UQCC1: variants seen among roughly 807,000 people sequenced by gnomAD.
UQCC1 encodes the protein bFGF-repressed Zic-binding protein.
A neutral mutation model predicts 48.0 loss-of-function variants in UQCC1; 38 were observed. That is an observed-to-expected ratio of 0.79 (90% CI 0.61 to 1.04). The LOEUF is 1.04. Among genes scored for constraint, UQCC1 ranks in the 50% least tolerant of loss-of-function variants. The probability of loss-of-function intolerance (pLI) is 0.00; values close to 1 mark genes in which losing one functional copy is unlikely to be tolerated. For missense variants in UQCC1, 368 were observed against 381.8 expected (o/e 0.96, Z 0.30); for synonymous variants, 111 against 129.2 (o/e 0.86, Z 0.95).
chr20:35,386,323 T>G, intron 2 of UQCC1: 1 of 456,408 alleles, frequency 2.2e-6, no homozygotes, highest in Non-Finnish European at 4.4e-6. Flanking sequence ...GGGCTGACTC[T>G]TCAATTCTGG....
chr20:35,405,098 G>A (rs2062232032), intron 1 of UQCC1, among the ~76,000 whole-genome samples: 1 of 152,172 alleles, frequency 6.6e-6, no homozygotes, highest in South Asian at 2.1e-4. Flanking sequence ...GAAAGTTAAG[G>A]CAGAGTTATC....
At chr20:35,304,485 C>G (rs1167032167) in intron 9 of UQCC1, 1 of 192,856 alleles carries the variant, frequency 5.2e-6, no homozygotes, top group Non-Finnish European at 1.1e-5. Context: ...TCTGTCCCTT[C>G]CCAGTGCTGC....
At chr20:35,331,605 G>A (rs1015882679) in intron 7 of UQCC1, among the ~76,000 whole-genome samples, 4 of 152,106 alleles carry the variant, frequency 2.6e-5, no homozygotes, top group African/African-American at 9.7e-5. Context: ...TCCAAAATAA[G>A]GGGTTACTAT....
chr20:35,340,640 A>G (rs1267693162), intron 7 of UQCC1, among the ~76,000 whole-genome samples: 1 of 152,170 alleles, frequency 6.6e-6, no homozygotes, highest in African/African-American at 2.4e-5. Context: ...ATGTGCCACC[A>G]TAACCGGCTA....
At chr20:35,403,397 C>T (rs1194362346) in intron 1 of UQCC1, among the ~76,000 whole-genome samples, 1 of 152,116 alleles carries the variant, frequency 6.6e-6, no homozygotes, top group African/African-American at 2.4e-5. Flanking sequence ...GCAGATGACA[C>T]TCCAGTAGCA....
intron 6 of UQCC1, among the ~76,000 whole-genome samples, chr20:35,350,899 G>A (rs1007944341): frequency 7.2e-5 from 11 of 151,832 alleles, no homozygotes; most frequent in East Asian, 1.9e-4. Flanking sequence ...AAAATTAACC[G>A]GGCGTGGTGG....
intron 7 of UQCC1, among the ~76,000 whole-genome samples, chr20:35,340,955 G>A (rs2061370129): frequency 6.6e-6 from 1 of 152,116 alleles, no homozygotes; most frequent in African/African-American, 2.4e-5. Flanking sequence ...GCCGGGGGTG[G>A]TGGTGGCTCA....
chr20:35,352,840 G>T (rs1054763193), intron 6 of UQCC1, among the ~76,000 whole-genome samples: 3 of 152,092 alleles, frequency 2.0e-5, no homozygotes, highest in Non-Finnish European at 2.9e-5. Flanking sequence ...ACGCCACTGA[G>T]CCCGGCTAAT....
In UQCC1 at chr20:35,402,049, C is replaced by T. The variant is rs541842346; in HGVS notation, c.25-7853G>A. Among the ~76,000 whole-genome samples the T allele has an allele frequency of 8.5e-5, 13 of 152,294 alleles. 2 individuals are homozygous for T. Among genetic ancestry groups the T allele is most frequent in the Admixed American group, 3.3e-4 (5 of 15,292 alleles). The stretch of plus-strand genomic sequence containing the variant: ...TCCGGAGTCCAAAGAACAGATACTA[C>T]GGTAACAAACTTTCCTTCCAGTTAC... On this transcript the variant is annotated intron_variant, in intron 1 of 9. Transcript: ENST00000374385.
At chr20:35,338,595 C>T (rs2061338394) in intron 7 of UQCC1, among the ~76,000 whole-genome samples, 1 of 151,660 alleles carries the variant, frequency 6.6e-6, no homozygotes, top group Admixed American at 6.6e-5. Context: ...GCCTGTAATC[C>T]CAGCACTTTG....
chr20:35,355,610 C>T (rs1187435427), intron 6 of UQCC1, among the ~76,000 whole-genome samples: 3 of 152,208 alleles, frequency 2.0e-5, no homozygotes, highest in Non-Finnish European at 2.9e-5. Context: ...TCTTAGGCCA[C>T]CTGACCTTGA....
intron 5 of UQCC1, among the ~76,000 whole-genome samples, chr20:35,372,641 G>C (rs2061747428): frequency 6.6e-6 from 1 of 152,180 alleles, no homozygotes; most frequent in Admixed American, 6.5e-5. Context: ...TAAGGCAGGT[G>C]GATCATGTGA....
At chr20:35,405,191 G>A (rs984985900) in intron 1 of UQCC1, among the ~76,000 whole-genome samples, 2 of 152,176 alleles carry the variant, frequency 1.3e-5, no homozygotes, top group African/African-American at 4.8e-5. Context: ...ACTGCTTCCA[G>A]GCAGTGAGAA....
chr20:35,347,163 C>T lies in UQCC1; in HGVS notation c.573+1G>A. The T allele has an allele frequency of 1.2e-6, 2 of 1,614,178 alleles. No individual in the cohort carries two copies. Among genetic ancestry groups the T allele is most frequent in the Non-Finnish European group, 1.7e-6 (2 of 1,180,024 alleles). On this transcript the variant is annotated splice_donor_variant, in intron 7 of 9. Transcript: ENST00000374385. LOFTEE classifies it high-confidence loss of function. ...ACAAGCATCTGACAGCACTCACTTA[C>T]CCCCATGACTCTGCCGCGCTGCTGA...
intron 7 of UQCC1, among the ~76,000 whole-genome samples, chr20:35,317,968 A>C (rs991846772): frequency 6.6e-6 from 1 of 152,216 alleles, no homozygotes. Flanking sequence ...GCTAGAGTTC[A>C]TTCCTTCTGT....
At chr20:35,373,583 G>A (rs1341588865) in intron 5 of UQCC1, among the ~76,000 whole-genome samples, 2 of 151,816 alleles carry the variant, frequency 1.3e-5, no homozygotes, top group Admixed American at 1.3e-4. Flanking sequence ...GGAGGCCGAG[G>A]CAGGAAAATT....
chr20:35,338,875 A>AT (rs2061343757), intron 7 of UQCC1, among the ~76,000 whole-genome samples: 18 of 71,522 alleles, frequency 2.5e-4, no homozygotes, highest in African/African-American at 1.1e-3. Context: ...AAAAAAAAAA[A>AT]AAAAAAAAAA....
At chr20:35,375,185 T>A (rs2061782201) in intron 4 of UQCC1, among the ~76,000 whole-genome samples, 2 of 152,140 alleles carry the variant, frequency 1.3e-5, no homozygotes. Flanking sequence ...AGGCTGAGAA[T>A]GACATAGCAA....
At chr20:35,362,459 C>T (rs188977063) in intron 6 of UQCC1, among the ~76,000 whole-genome samples, 306 of 152,274 alleles carry the variant, frequency 2.0e-3, no homozygotes, top group African/African-American at 7.1e-3. Context: ...CAGGTTCAAG[C>T]GATTCTCATG....
Sources: allele counts gnomAD v4.1 joint callset (sites outside exome capture counted in the v4.1 genomes callset), GRCh38; gene constraint gnomAD v4.1.1; transcripts MANE v1.5; gene names NCBI Gene and HGNC (gene_info 2026-07-23, HGNC 2026-07-21).